ARHGAP26: variants seen among roughly 807,000 people sequenced by gnomAD.
ARHGAP26 encodes Rho GTPase activating protein 26.
Under a neutral mutation model 104.8 loss-of-function variants are expected in ARHGAP26, and 38 were observed. That is an observed-to-expected ratio of 0.36 (90% CI 0.28 to 0.48). The LOEUF is 0.48. Among genes scored for constraint, ARHGAP26 ranks in the 20% least tolerant of loss-of-function variants. ARHGAP26 has a pLI of 0.99. For missense variants in ARHGAP26, 704 were observed against 947.9 expected, an observed-to-expected ratio of 0.74 and a Z score of 3.38; for synonymous variants, 341 against 340.0, an observed-to-expected ratio of 1.00 and a Z score of -0.03.
At chr5:143,185,768 T>C (rs1034005174) in intron 20 of ARHGAP26, among the ~76,000 whole-genome samples, 1 of 152,194 alleles carries the variant, frequency 6.6e-6, no homozygotes. Flanking sequence ...AGGGTAACTT[T>C]TACCCTCGTT....
At chr5:142,945,186 T>A in intron 11 of ARHGAP26, among the ~76,000 whole-genome samples, 1 of 152,190 alleles carries the variant, frequency 6.6e-6, no homozygotes, top group East Asian at 1.9e-4. Context: ...GGAGCTACCA[T>A]GTCTAACCAA....
intron 14 of ARHGAP26, among the ~76,000 whole-genome samples, chr5:143,050,647 A>G (rs747680087): frequency 2.6e-5 from 4 of 152,238 alleles, no homozygotes; most frequent in Admixed American, 6.5e-5. Context: ...AGGCTTACAT[A>G]GGATTAAGTG....
At chr5:143,176,716 G>A (rs7717765) in intron 20 of ARHGAP26, among the ~76,000 whole-genome samples, 2,934 of 152,202 alleles carry the variant, frequency 0.019, 96 homozygotes, top group African/African-American at 0.067. Flanking sequence ...AGGGCTTAAC[G>A]TAAACCTAAG....
At chr5:143,054,390 T>G (rs1359506965) in intron 14 of ARHGAP26, 49 bp from the exon 15 acceptor site, 1 of 1,337,602 alleles carries the variant, frequency 7.5e-7, no homozygotes, top group African/African-American at 1.5e-5. Context: ...GCTTATTTAT[T>G]AGTTCCATTT....
At chr5:142,946,094 T>C (rs1767058948) in intron 11 of ARHGAP26, among the ~76,000 whole-genome samples, 1 of 152,212 alleles carries the variant, frequency 6.6e-6, no homozygotes, top group Admixed American at 6.5e-5. Context: ...ATCTAGGTAA[T>C]AATTCATACA....
At chr5:142,832,734 A>G (rs542022927) in intron 1 of ARHGAP26, among the ~76,000 whole-genome samples, 19 of 152,352 alleles carry the variant, frequency 1.2e-4, no homozygotes, top group Admixed American at 6.5e-4. Context: ...TTGAGTTTAC[A>G]AAGATCATGA....
At chr5:143,030,983 A>C (rs1170273750) in intron 12 of ARHGAP26, among the ~76,000 whole-genome samples, 3 of 152,222 alleles carry the variant, frequency 2.0e-5, no homozygotes, top group African/African-American at 7.2e-5. Flanking sequence ...CCTGTATCTG[A>C]GTGCACAATG....
At chr5:143,094,891 T>C (rs1389463729) in intron 17 of ARHGAP26, among the ~76,000 whole-genome samples, 99 of 151,728 alleles carry the variant, frequency 6.5e-4, no homozygotes, top group Non-Finnish European at 4.4e-5. Context: ...TGAGTCAGGG[T>C]GGAGTAGGTA....
intron 17 of ARHGAP26, among the ~76,000 whole-genome samples, chr5:143,091,695 A>G (rs552710403): frequency 6.6e-6 from 1 of 152,292 alleles, no homozygotes; most frequent in Non-Finnish European, 1.5e-5. Flanking sequence ...ATAAGGTAAG[A>G]TTTTTATAGA....
intron 11 of ARHGAP26, among the ~76,000 whole-genome samples, chr5:142,958,807 A>G (rs761775402): frequency 2.0e-5 from 3 of 150,554 alleles, no homozygotes; most frequent in Non-Finnish European, 4.4e-5. Flanking sequence ...AGTGGCTCAT[A>G]CCTATAATCC....
chr5:142,828,059 G>C lies in ARHGAP26; in HGVS notation c.155-45341G>C, dbSNP rs576017346. Among the ~76,000 whole-genome samples, 59 of 152,346 alleles carry C rather than the reference G, an allele frequency of 3.9e-4. No individual in the cohort carries two copies. In the South Asian group the frequency reaches 6.2e-3, roughly 16 times the overall value. On this transcript the variant is annotated intron_variant, in intron 1 of 22. Transcript: ENST00000645722. ...TGGGAATAGTTACGCACGCTATTCA[G>C]AGGGAATGGATGCTTTGCTTTGTGA...
chr5:143,035,644 T>A (rs1782513512), intron 12 of ARHGAP26, among the ~76,000 whole-genome samples: 1 of 152,050 alleles, frequency 6.6e-6, no homozygotes. Flanking sequence ...CTAAGGAACT[T>A]ATCCATGTAG....
chr5:143,177,559 C>T (rs1045766489), intron 20 of ARHGAP26, among the ~76,000 whole-genome samples: 2 of 152,138 alleles, frequency 1.3e-5, no homozygotes, highest in Non-Finnish European at 2.9e-5. Context: ...AAGGTGCTGT[C>T]GGCAGACCAG....
Position 143,177,429 on chromosome 5 carries a change from GCCAAGACGCTCAGTCATGGTTGATTA to G in ARHGAP26, c.1989-29765_1989-29740del, listed in dbSNP as rs1803631689. ...CCAGTGAAAACAGGACTCATCGAAT[GCCAAGACGCTCAGTCATGGTTGATTA>G]CCAGACCACAGAAAACCTGGCAGAG... On this transcript the variant is annotated intron_variant, in intron 20 of 22. Transcript: ENST00000645722. 8.5e-5 allele frequency among the ~76,000 whole-genome samples: 13 copies of G among 152,302 alleles called. No homozygotes were observed. The South Asian group carries it at 2.7e-3, about 32-fold the overall frequency.
chr5:142,954,482 C>T (rs1260284692), intron 11 of ARHGAP26, among the ~76,000 whole-genome samples: 1 of 152,222 alleles, frequency 6.6e-6, no homozygotes, highest in Admixed American at 6.5e-5. Flanking sequence ...TGGAGTCATT[C>T]AGTTGGTCCT....
At chr5:142,984,355 G>C (rs1001905378) in intron 11 of ARHGAP26, among the ~76,000 whole-genome samples, 1 of 152,200 alleles carries the variant, frequency 6.6e-6, no homozygotes, top group African/African-American at 2.4e-5. Context: ...AAAGGAAACA[G>C]ACATTGTACA....
intron 11 of ARHGAP26, among the ~76,000 whole-genome samples, chr5:143,013,678 T>A (rs75882742): frequency 0.024 from 3,730 of 152,354 alleles, 65 homozygotes; most frequent in Middle Eastern, 0.061. Flanking sequence ...TAACAGCTCC[T>A]GCCCAACAGA....
chr5:142,817,151 C>G (rs1765294123), intron 1 of ARHGAP26, among the ~76,000 whole-genome samples: 1 of 151,994 alleles, frequency 6.6e-6, no homozygotes, highest in African/African-American at 2.4e-5. Flanking sequence ...GTGGGAAGTT[C>G]AGTAAATGTT....
At chr5:142,992,660 C>G (rs1374424184) in intron 11 of ARHGAP26, among the ~76,000 whole-genome samples, 1 of 152,002 alleles carries the variant, frequency 6.6e-6, no homozygotes, top group Non-Finnish European at 1.5e-5. Context: ...ATCTCCTGAC[C>G]TCGTGATCCG....
Sources: gnomAD v4.1 joint callset for allele counts (sites outside exome capture counted in the v4.1 genomes callset) on GRCh38, gnomAD v4.1.1 for gene constraint, MANE v1.5 for transcripts, NCBI Gene and HGNC (gene_info 2026-07-23, HGNC 2026-07-21) for gene names.